EGFLAM: variants seen among roughly 807,000 people sequenced by gnomAD.
EGFLAM encodes the protein pikachurin.
EGFLAM carries 79 observed loss-of-function variants against 113.1 expected under a neutral mutation model. The ratio of observed to expected loss-of-function variants is 0.70; its 90% CI spans 0.58 to 0.84. EGFLAM has a LOEUF of 0.84. EGFLAM is among the 40% of genes least tolerant of loss of function. The probability of loss-of-function intolerance (pLI) is 0.00; values close to 1 mark genes in which losing one functional copy is unlikely to be tolerated. For missense variants in EGFLAM, 1,265 were observed against 1,291.6 expected, an observed-to-expected ratio of 0.98 and a Z score of 0.32; for synonymous variants, 504 against 487.6, an observed-to-expected ratio of 1.03 and a Z score of -0.44.
At chr5:38,424,458 G>A (rs1001846228) in intron 12 of EGFLAM, among the ~76,000 whole-genome samples, 4 of 152,190 alleles carry the variant, frequency 2.6e-5, no homozygotes, top group African/African-American at 9.6e-5. Flanking sequence ...GACAATCCAG[G>A]TGAGTTAATC....
At position 38,463,996 on chromosome 5, in the gene EGFLAM, GC is replaced by G; in HGVS notation, c.*12del. On this transcript the variant is annotated 3_prime_UTR_variant, in exon 22 of 22. Transcript: ENST00000322350. ...TTGTGGAGCCAAGTAACACCAGCTG[GC>G]CTTGTCCAAGGGACAGAGCCTTCTA... is the stretch of plus-strand genomic sequence containing the variant. 1 of 1,614,150 alleles carries G rather than the reference GC, an allele frequency of 6.2e-7. No individual in the cohort carries two copies. The highest frequency in any genetic ancestry group is 8.5e-7 in the Non-Finnish European group (1 of 1,180,034).
intron 6 of EGFLAM, chr5:38,403,839 A>G (rs772023275): frequency 2.4e-5 from 39 of 1,613,754 alleles, no homozygotes; most frequent in Middle Eastern, 3.3e-4. Context: ...GTGTGAAGAC[A>G]TCTGGCACAC....
chr5:38,331,285 C>T (rs1739034734), intron 1 of EGFLAM, among the ~76,000 whole-genome samples: 1 of 152,134 alleles, frequency 6.6e-6, no homozygotes, highest in African/African-American at 2.4e-5. Flanking sequence ...CATTAGGGTT[C>T]ACTTTTTCTG....
Position 38,464,089 on chromosome 5 carries a change from T to G in EGFLAM, c.*103T>G. The stretch of plus-strand genomic sequence containing the variant: ...TATGCAGAGGCCCAGGGACCAGGTG[T>G]GTTTCCTCTCACCAAGAAGAAAGTA... On this transcript the variant is annotated 3_prime_UTR_variant, in exon 22 of 22. Transcript: ENST00000322350. The G allele has an allele frequency of 7.0e-7, 1 of 1,437,298 alleles. No homozygotes were observed. Among genetic ancestry groups the G allele is most frequent in the Non-Finnish European group, 9.4e-7 (1 of 1,060,902 alleles). 89.0% of individuals were successfully genotyped at this position (1,437,298 alleles called of 1,614,324 possible).
chr5:38,384,132 G>A (rs1485876541), intron 6 of EGFLAM, among the ~76,000 whole-genome samples: 1 of 152,032 alleles, frequency 6.6e-6, no homozygotes, highest in Non-Finnish European at 1.5e-5. Context: ...GAAGGAGAAG[G>A]AATAAGGAGG....
In EGFLAM at chr5:38,323,623, T is replaced by C. The variant is rs148161410; in HGVS notation, c.98-13897T>C. ...ATATTTAACTGCTTAATATTGCTTG[T>C]CTCACACATAAGTGGCCTACTACTT... On this transcript the variant is annotated intron_variant, in intron 1 of 21. Transcript: ENST00000322350. Among the ~76,000 whole-genome samples, 1,032 of 152,334 alleles carry C rather than the reference T, an allele frequency of 6.8e-3. 5 individuals carry two copies. Among genetic ancestry groups the C allele is most frequent in the Non-Finnish European group, 9.7e-3 (657 of 68,030 alleles).
In EGFLAM at chr5:38,387,921, G is replaced by T. The variant is rs1740707837; in HGVS notation, c.712+17459G>T. Among the ~76,000 whole-genome samples, 3 of 152,148 alleles carry T rather than the reference G, an allele frequency of 2.0e-5. No homozygotes were observed. In the South Asian group the frequency reaches 6.2e-4, roughly 32 times the overall value. On this transcript the variant is annotated intron_variant, in intron 6 of 21. Coordinates refer to ENST00000322350, the MANE Select transcript of EGFLAM (RefSeq NM_152403.4). Reference sequence around the variant, plus strand: ...AGGCTTCTTTCCCTGATTTAAGACTGACTGTCTTTGCCTGACCTTATATAC... The same window carrying T: ...AGGCTTCTTTCCCTGATTTAAGACTTACTGTCTTTGCCTGACCTTATATAC...
At chr5:38,446,003 G>A (rs1049303492) in intron 17 of EGFLAM, among the ~76,000 whole-genome samples, 1 of 152,150 alleles carries the variant, frequency 6.6e-6, no homozygotes, top group Admixed American at 6.5e-5. Flanking sequence ...CAGGCCCACC[G>A]CCACGGGCCA....
chr5:38,431,513 G>T (rs1742187136), intron 15 of EGFLAM, among the ~76,000 whole-genome samples: 1 of 152,192 alleles, frequency 6.6e-6, no homozygotes, highest in Admixed American at 6.5e-5. Context: ...AGGATTAAAT[G>T]AGTTGATACC....
At chr5:38,395,654 C>T (rs2112097912) in intron 6 of EGFLAM, among the ~76,000 whole-genome samples, 2 of 152,274 alleles carry the variant, frequency 1.3e-5, no homozygotes, top group Middle Eastern at 6.8e-3. Context: ...GACTCAGGTG[C>T]TCACATCTTA....
chr5:38,462,218 T>C (rs1389681857), intron 20 of EGFLAM, among the ~76,000 whole-genome samples: 1 of 152,134 alleles, frequency 6.6e-6, no homozygotes. Flanking sequence ...AGTCTTCCCA[T>C]CGAATGATCT....
rs536567153 is a variant in EGFLAM at position 38,310,762 on chromosome 5, A to G, written c.98-26758A>G. 3.3e-5 allele frequency among the ~76,000 whole-genome samples: 5 copies of G among 152,330 alleles called. No homozygotes were observed. The South Asian group carries it at 1.0e-3, about 32-fold the overall frequency. ...CAGATGTAGTGATATAGATCTTTCT[A>G]AAGATTCTTGTTTCGCAGGCACTTG... On this transcript the variant is annotated intron_variant, in intron 1 of 21. Transcript: ENST00000322350.
At chr5:38,333,718 A>T (rs1321878189) in intron 1 of EGFLAM, among the ~76,000 whole-genome samples, 1 of 152,130 alleles carries the variant, frequency 6.6e-6, no homozygotes, top group Non-Finnish European at 1.5e-5. Flanking sequence ...TCAGATGCAT[A>T]GACTGCAAAT....
intron 15 of EGFLAM, 67 bp downstream of exon 15, chr5:38,431,355 G>T: frequency 6.6e-7 from 1 of 1,507,460 alleles, no homozygotes; most frequent in Non-Finnish European, 9.1e-7. Flanking sequence ...TGCCTGTCTT[G>T]GTAGAAAAGC....
intron 1 of EGFLAM, among the ~76,000 whole-genome samples, chr5:38,306,012 G>A (rs942116961): frequency 1.3e-5 from 2 of 152,170 alleles, no homozygotes; most frequent in African/African-American, 4.8e-5. Flanking sequence ...TGAGCCAAGA[G>A]GTAGCACTTA....
At chr5:38,273,224 C>A (rs1258074247) in intron 1 of EGFLAM, among the ~76,000 whole-genome samples, 1 of 152,172 alleles carries the variant, frequency 6.6e-6, no homozygotes, top group Admixed American at 6.5e-5. Context: ...AAGGAGTTTG[C>A]TTTGCACTCT....
chr5:38,439,639 T>C (rs2112230315), intron 17 of EGFLAM, among the ~76,000 whole-genome samples: 1 of 152,372 alleles, frequency 6.6e-6, no homozygotes, highest in Non-Finnish European at 1.5e-5. Flanking sequence ...TATGTTTAAA[T>C]GAATTTGAAA....
chr5:38,274,579 C>A (rs530191142), intron 1 of EGFLAM, among the ~76,000 whole-genome samples: 204 of 152,084 alleles, frequency 1.3e-3, no homozygotes, highest in African/African-American at 4.8e-3. Context: ...AAAAAACTGC[C>A]AACCAAGAAT....
At chr5:38,450,212 C>T (rs1451770890) in intron 18 of EGFLAM, among the ~76,000 whole-genome samples, 2 of 152,116 alleles carry the variant, frequency 1.3e-5, no homozygotes, top group African/African-American at 2.4e-5. Context: ...ATACCCAAGG[C>T]AAATGGGAGA....
Sources: gnomAD v4.1 joint callset for allele counts (sites outside exome capture counted in the v4.1 genomes callset) on GRCh38, gnomAD v4.1.1 for gene constraint, MANE v1.5 for transcripts, NCBI Gene and HGNC (gene_info 2026-07-23, HGNC 2026-07-21) for gene names.